The following DPP10 variants were observed in gnomAD, a reference collection of about 807,000 sequenced individuals.
DPP10 encodes dipeptidyl peptidase like 10, also known as inactive dipeptidyl peptidase 10.
In DPP10, 33 loss-of-function variants were observed where a neutral mutation model predicts 120.9. That is an observed-to-expected ratio of 0.27 (90% CI 0.21 to 0.37). The LOEUF (loss-of-function observed/expected upper bound fraction) is 0.37, where lower values mean the gene tolerates loss of function less well. Ranked by LOEUF, DPP10 falls within the 10% of genes least tolerant of loss-of-function variation. DPP10 has a pLI of 1.00. For missense variants in DPP10, 816 were observed against 942.8 expected (o/e 0.87, Z 1.76); for synonymous variants, 337 against 326.1 (o/e 1.03, Z -0.36).
chr2:114,960,724 A>G (rs1293961840), intron 1 of DPP10, among the ~76,000 whole-genome samples: 1 of 152,062 alleles, frequency 6.6e-6, no homozygotes, highest in Non-Finnish European at 1.5e-5. Flanking sequence ...TTAAGAAAAT[A>G]CTCTATGCTA....
chr2:114,452,228 C>T (rs556747858), intron 1 of DPP10, among the ~76,000 whole-genome samples: 1 of 152,178 alleles, frequency 6.6e-6, no homozygotes, highest in Non-Finnish European at 1.5e-5. Flanking sequence ...TGTGTATAAT[C>T]TCGAAGAATA....
chr2:115,488,979 T>G (rs2075938842), intron 3 of DPP10, among the ~76,000 whole-genome samples: 1 of 152,088 alleles, frequency 6.6e-6, no homozygotes. Context: ...ATGGCTATTT[T>G]GGAAATCCAA....
At chr2:114,649,016 A>C (rs1194478796) in intron 1 of DPP10, among the ~76,000 whole-genome samples, 1 of 152,252 alleles carries the variant, frequency 6.6e-6, no homozygotes, top group Non-Finnish European at 1.5e-5. Flanking sequence ...CATTAGTGCT[A>C]TAAAGCCACT....
chr2:115,701,078 A>G (rs779733856), intron 7 of DPP10, among the ~76,000 whole-genome samples: 20 of 152,118 alleles, frequency 1.3e-4, no homozygotes, highest in Admixed American at 2.6e-4. Context: ...TTTTGCAGAT[A>G]TAGAAAAGCC....
chr2:115,047,950 C>G (rs978260094), intron 1 of DPP10, among the ~76,000 whole-genome samples: 6 of 152,126 alleles, frequency 3.9e-5, no homozygotes, highest in African/African-American at 1.2e-4. Context: ...ACAGTTCACT[C>G]TCTGCCCTGA....
intron 1 of DPP10, among the ~76,000 whole-genome samples, chr2:114,843,701 T>C (rs1414546840): frequency 6.6e-6 from 1 of 152,158 alleles, no homozygotes; most frequent in Non-Finnish European, 1.5e-5. Flanking sequence ...AGAACTAATA[T>C]AACCTTCTTT....
chr2:115,366,908 G>A (rs2065112605), intron 3 of DPP10, among the ~76,000 whole-genome samples: 1 of 152,040 alleles, frequency 6.6e-6, no homozygotes, highest in East Asian at 1.9e-4. Flanking sequence ...ATCTTTTTAG[G>A]AAGATCGGTG....
intron 1 of DPP10, among the ~76,000 whole-genome samples, chr2:115,047,261 T>G (rs961216370): frequency 1.3e-5 from 2 of 152,110 alleles, no homozygotes; most frequent in East Asian, 1.9e-4. Context: ...TCATCATACT[T>G]GGATCCTTCC....
At chr2:114,756,362 A>G (rs1447463333) in intron 1 of DPP10, among the ~76,000 whole-genome samples, 3 of 152,200 alleles carry the variant, frequency 2.0e-5, no homozygotes, top group Non-Finnish European at 4.4e-5. Context: ...AGGCCCTCAT[A>G]GACCCCAGGG....
At chr2:114,901,327 A>G (rs1318539309) in intron 1 of DPP10, among the ~76,000 whole-genome samples, 2 of 152,160 alleles carry the variant, frequency 1.3e-5, no homozygotes, top group East Asian at 3.9e-4. Context: ...CCTCCCGAGC[A>G]GATGGGACTA....
intron 1 of DPP10, among the ~76,000 whole-genome samples, chr2:115,250,521 G>A (rs147433909): frequency 4.3e-4 from 65 of 152,234 alleles, no homozygotes; most frequent in African/African-American, 1.5e-3. Flanking sequence ...GGACTCAAAG[G>A]GAATGTCTGA....
chr2:115,687,945 C>T lies in DPP10; in HGVS notation c.442-1742C>T, dbSNP rs115513161. ...AGGATGAATACCCTCTTTCCCCCCACGATATCATGACATATTTGTCTTCTT... is the reference window on the plus strand; with the variant it reads ...AGGATGAATACCCTCTTTCCCCCCATGATATCATGACATATTTGTCTTCTT... On this transcript the variant is annotated intron_variant, in intron 5 of 25. Coordinates refer to ENST00000410059, the MANE Select transcript of DPP10 (RefSeq NM_020868.6). Among the ~76,000 whole-genome samples, 668 of 152,016 alleles carry T rather than the reference C, an allele frequency of 4.4e-3. 4 individuals carry two copies. The highest frequency in any genetic ancestry group is 0.016 in the African/African-American group (644 of 41,490).
chr2:115,481,133 A>G (rs781496441), intron 3 of DPP10, among the ~76,000 whole-genome samples: 1 of 152,148 alleles, frequency 6.6e-6, no homozygotes, highest in Non-Finnish European at 1.5e-5. Context: ...ATATATGTTC[A>G]AAAGGAGCTA....
chr2:115,777,338 C>T (rs988317837), intron 14 of DPP10, 39 bp downstream of exon 14: 7 of 1,546,366 alleles, frequency 4.5e-6, no homozygotes, highest in Admixed American at 3.4e-5. Flanking sequence ...TGCAAGTTAG[C>T]GTTGTCAAAT....
At chr2:115,079,301 A>G (rs1325916941) in intron 1 of DPP10, among the ~76,000 whole-genome samples, 1 of 151,672 alleles carries the variant, frequency 6.6e-6, no homozygotes, top group Non-Finnish European at 1.5e-5. Context: ...GATGGCGTGA[A>G]CCCGGGAGGC....
At chr2:115,282,310 A>G (rs1339802130) in intron 1 of DPP10, among the ~76,000 whole-genome samples, 1 of 152,010 alleles carries the variant, frequency 6.6e-6, no homozygotes, top group South Asian at 2.1e-4. Context: ...TAGACTTCCA[A>G]ACTAATTTTC....
At chr2:114,858,613 T>C (rs1689553756) in intron 1 of DPP10, among the ~76,000 whole-genome samples, 1 of 152,172 alleles carries the variant, frequency 6.6e-6, no homozygotes, top group African/African-American at 2.4e-5. Flanking sequence ...ACAGCGGTAA[T>C]TGAAACAGAG....
In DPP10 at chr2:115,782,311, A is replaced by T. The variant is rs747891153; in HGVS notation, c.1484-41A>T. The T allele has an allele frequency of 2.8e-5, 43 of 1,527,040 alleles. No homozygotes were observed. The South Asian group carries it at 4.6e-4, about 16-fold the overall frequency. 94.6% of individuals were successfully genotyped at this position (1,527,040 alleles called of 1,614,324 possible). On this transcript the variant is annotated intron_variant, in intron 16 of 25. Coordinates refer to ENST00000410059, the MANE Select transcript of DPP10 (RefSeq NM_020868.6). ...AAACTTTCTAATGATTATTACTTAGACATCTTTAAAAATATTTATACACAT... is the reference window on the plus strand; with the variant it reads ...AAACTTTCTAATGATTATTACTTAGTCATCTTTAAAAATATTTATACACAT...
intron 3 of DPP10, among the ~76,000 whole-genome samples, chr2:115,450,758 G>A (rs1201000118): frequency 6.6e-6 from 1 of 151,802 alleles, no homozygotes. Context: ...GACTCTGAAT[G>A]TTCAGGAAAC....
Sources: allele counts gnomAD v4.1 joint callset (sites outside exome capture counted in the v4.1 genomes callset), GRCh38; gene constraint gnomAD v4.1.1; transcripts MANE v1.5; gene names NCBI Gene and HGNC (gene_info 2026-07-23, HGNC 2026-07-21).